The following COL27A1 variants were observed in gnomAD, a reference collection of about 807,000 sequenced individuals.
COL27A1 encodes collagen alpha-1(XXVII) chain.
COL27A1 carries 106 observed loss-of-function variants against 251.3 expected under a neutral mutation model. The ratio of observed to expected loss-of-function variants is 0.42; its 90% CI spans 0.36 to 0.50. COL27A1 has a LOEUF of 0.50. Ranked by LOEUF, COL27A1 falls within the 20% of genes least tolerant of loss-of-function variation. The pLI, the probability that COL27A1 is intolerant of heterozygous loss-of-function variation, is 0.00. For synonymous variants in COL27A1, 1,000 were observed against 986.3 expected, an observed-to-expected ratio of 1.01 and a Z score of -0.26; for missense variants, 2,325 against 2,522.8, an observed-to-expected ratio of 0.92 and a Z score of 1.68.
intron 5 of COL27A1, among the ~76,000 whole-genome samples, chr9:114,187,639 G>A (rs755937226): frequency 1.2e-4 from 18 of 152,348 alleles, no homozygotes; most frequent in Non-Finnish European, 2.4e-4. Context: ...ACATATGTGA[G>A]TGTGGATCCA....
chr9:114,286,523 G>C (rs1477204362), intron 41 of COL27A1, among the ~76,000 whole-genome samples: 1 of 152,126 alleles, frequency 6.6e-6, no homozygotes, highest in Non-Finnish European at 1.5e-5. Flanking sequence ...GCTCACCGTG[G>C]GGGTGAGCTC....
At chr9:114,284,115 A>G (rs1023402794) in intron 40 of COL27A1, among the ~76,000 whole-genome samples, 1 of 152,222 alleles carries the variant, frequency 6.6e-6, no homozygotes, top group Non-Finnish European at 1.5e-5. Flanking sequence ...AGCCAAACCC[A>G]TGTTACACAT....
intron 33 of COL27A1, 72 bp downstream of exon 33, chr9:114,266,690 C>T (rs1431411321): frequency 3.6e-6 from 5 of 1,375,046 alleles, no homozygotes; most frequent in Non-Finnish European, 5.2e-6. Flanking sequence ...TCCCTCCTCC[C>T]CAGGAGCCTC....
chr9:114,268,644 C>G (rs955934571), intron 34 of COL27A1, among the ~76,000 whole-genome samples: 3 of 152,206 alleles, frequency 2.0e-5, no homozygotes, highest in African/African-American at 7.2e-5. Flanking sequence ...TTACCGAACT[C>G]CCCCAATGCC....
intron 12 of COL27A1, among the ~76,000 whole-genome samples, chr9:114,216,512 C>T (rs940205219): frequency 3.3e-5 from 5 of 152,174 alleles, no homozygotes; most frequent in African/African-American, 1.2e-4. Context: ...ATGGCTCTGC[C>T]ACTTAGTAGC....
At chr9:114,294,247 CAAAAA>C (rs58536000) in intron 49 of COL27A1, among the ~76,000 whole-genome samples, 1 of 84,286 alleles carries the variant, frequency 1.2e-5, no homozygotes, top group East Asian at 3.3e-4. Flanking sequence ...GACTCTGTCT[CAAAAA>C]AAAAAAAAAA....
chr9:114,250,765 C>G, intron 25 of COL27A1, 97 bp downstream of exon 25: 1 of 1,061,038 alleles, frequency 9.4e-7, no homozygotes, highest in Non-Finnish European at 1.4e-6. Context: ...TTTCAGAATA[C>G]CCTCCCCTAG....
intron 16 of COL27A1, among the ~76,000 whole-genome samples, chr9:114,232,603 C>T (rs1832043403): frequency 6.6e-6 from 1 of 152,218 alleles, no homozygotes; most frequent in African/African-American, 2.4e-5. Context: ...CATGAGACAT[C>T]CGAAGGACTG....
In COL27A1 at chr9:114,258,562, C is replaced by T. The variant is rs2135560642; in HGVS notation, c.3163C>T (p.Pro1055Ser). The T allele has an allele frequency of 1.9e-6, 3 of 1,614,106 alleles. No individual in the cohort carries two copies. The highest frequency in any genetic ancestry group is 2.2e-5 in the East Asian group (1 of 44,884). Residue 1055 changes from proline (P) to serine (S), a missense_variant, in exon 28 of 61, where the codon CCA (proline) becomes TCA (serine). Physicochemically the swap from Pro to Ser is moderately conservative, Grantham distance 74. Around this residue, in one of 4 missense-constraint regions of COL27A1, gnomAD observed 662 missense variants for 795.3 expected, o/e 0.83. Coordinates refer to ENST00000356083, the MANE Select transcript of COL27A1 (RefSeq NM_032888.4). ...CCAGGGTCCTCCAGGATCTCGAGGCCCACCAGGCATGAGGGGAGCAAAGGG... is the reference window on the plus strand; with the variant it reads ...CCAGGGTCCTCCAGGATCTCGAGGCTCACCAGGCATGAGGGGAGCAAAGGG... ...GPQGPPGSRG[P>S]PGMRGAKGRR...
chr9:114,291,125 G>A (rs1047364413), intron 48 of COL27A1, among the ~76,000 whole-genome samples: 7 of 152,124 alleles, frequency 4.6e-5, no homozygotes, highest in Admixed American at 3.3e-4. Context: ...TGTAAATATC[G>A]CCCCTACCAG....
chr9:114,246,930 G>A (rs1356241347), intron 24 of COL27A1, among the ~76,000 whole-genome samples: 5 of 151,700 alleles, frequency 3.3e-5, no homozygotes, highest in Non-Finnish European at 4.4e-5. Flanking sequence ...CTAATGGTAG[G>A]GCCCTCGGGA....
intron 1 of COL27A1, among the ~76,000 whole-genome samples, chr9:114,160,250 G>C (rs1209776203): frequency 6.6e-6 from 1 of 151,816 alleles, no homozygotes; most frequent in African/African-American, 2.4e-5. Context: ...CGCCTCCTGG[G>C]TTCACGCCAT....
At chr9:114,237,427 CATT>C in intron 18 of COL27A1, among the ~76,000 whole-genome samples, 1 of 152,212 alleles carries the variant, frequency 6.6e-6, no homozygotes, top group Non-Finnish European at 1.5e-5. Flanking sequence ...ATATTGCTCC[CATT>C]TTACAGATGG....
At chr9:114,237,879 CCTTCTGCT>C (rs1198189401) in intron 19 of COL27A1, among the ~76,000 whole-genome samples, 164 bp downstream of exon 19, 7 of 152,174 alleles carry the variant, frequency 4.6e-5, no homozygotes, top group Admixed American at 2.6e-4. Context: ...TTTATTTTCC[CCTTCTGCT>C]CTTCTGCTCT....
chr9:114,174,117 A>T (rs10759683), intron 3 of COL27A1, among the ~76,000 whole-genome samples: 101,473 of 151,606 alleles, frequency 0.67, 34,166 homozygotes, highest in South Asian at 0.8. Flanking sequence ...ACCTGGGATT[A>T]CAGGCATGTG....
intron 27 of COL27A1, among the ~76,000 whole-genome samples, chr9:114,253,406 GAC>G (rs201745224): frequency 0.011 from 931 of 81,996 alleles, 12 homozygotes; most frequent in African/African-American, 0.047. Flanking sequence ...GAGGAAAAAA[GAC>G]AGAAAGAAGA....
chr9:114,291,732 G>T (rs1413027894), intron 48 of COL27A1, among the ~76,000 whole-genome samples: 2 of 152,192 alleles, frequency 1.3e-5, no homozygotes, highest in Non-Finnish European at 2.9e-5. Context: ...CTGGGCGGCA[G>T]AGCGAGACTC....
chr9:114,157,075 AAC>A (rs150446535), intron 1 of COL27A1, among the ~76,000 whole-genome samples: 194 of 116,864 alleles, frequency 1.7e-3, no homozygotes, highest in East Asian at 2.5e-3. Flanking sequence ...CCCTCACCAC[AAC>A]ACACACACAC....
intron 14 of COL27A1, among the ~76,000 whole-genome samples, chr9:114,228,598 C>T (rs1432490294): frequency 2.0e-5 from 3 of 152,352 alleles, no homozygotes; most frequent in South Asian, 4.1e-4. Context: ...TCCGTGATAT[C>T]GCTGGAGCCC....
Sources: allele counts gnomAD v4.1 joint callset (sites outside exome capture counted in the v4.1 genomes callset), GRCh38; gene constraint gnomAD v4.1.1; regional missense constraint gnomAD v4.1.1; transcripts MANE v1.5; gene names NCBI Gene and HGNC (gene_info 2026-07-23, HGNC 2026-07-21).